Variants in ZNF521 observed in about 807,000 individuals in gnomAD.
ZNF521 encodes the protein LYST-interacting protein 3.
ZNF521 carries 14 observed loss-of-function variants against 105.5 expected under a neutral mutation model. The observed-to-expected ratio is 0.13, with a 90% CI of 0.09 to 0.21. The LOEUF (loss-of-function observed/expected upper bound fraction) is 0.21. ZNF521 is among the 10% of genes least tolerant of loss of function. ZNF521 has a pLI of 1.00. For missense variants in ZNF521, 1,233 were observed against 1,629.7 expected (o/e 0.76, Z 4.19); for synonymous variants, 635 against 606.0 (o/e 1.05, Z -0.70).
chr18:25,105,287 G>A (rs1308637361), intron 5 of ZNF521, among the ~76,000 whole-genome samples: 1 of 152,042 alleles, frequency 6.6e-6, no homozygotes, highest in East Asian at 1.9e-4. Flanking sequence ...ATAACAGCAG[G>A]GAAATTCCAA....
intron 3 of ZNF521, among the ~76,000 whole-genome samples, chr18:25,234,866 T>C (rs1392574049): frequency 6.6e-6 from 1 of 152,076 alleles, no homozygotes; most frequent in African/African-American, 2.4e-5. Flanking sequence ...AAAGAACTAC[T>C]ATTTAACAAT....
At chr18:25,172,897 T>C (rs2035472635) in intron 5 of ZNF521, among the ~76,000 whole-genome samples, 1 of 152,216 alleles carries the variant, frequency 6.6e-6, no homozygotes, top group African/African-American at 2.4e-5. Flanking sequence ...TATCCACCTG[T>C]ACATATAAAA....
At chr18:25,300,924 T>C (rs1486311030) in intron 3 of ZNF521, among the ~76,000 whole-genome samples, 4 of 152,206 alleles carry the variant, frequency 2.6e-5, no homozygotes, top group African/African-American at 7.2e-5. Flanking sequence ...CTCCCGAGCA[T>C]TGCAAGTACA....
intron 3 of ZNF521, among the ~76,000 whole-genome samples, chr18:25,263,362 T>A (rs1382338820): frequency 6.6e-6 from 1 of 152,034 alleles, no homozygotes; most frequent in African/African-American, 2.4e-5. Context: ...CTTGCTTTTT[T>A]TTTTGTTTTT....
At chr18:25,249,240 C>T (rs1297161897) in intron 3 of ZNF521, among the ~76,000 whole-genome samples, 3 of 151,690 alleles carry the variant, frequency 2.0e-5, no homozygotes, top group Non-Finnish European at 4.4e-5. Context: ...ACTGCAAGCT[C>T]CGCCTCCTGG....
chr18:25,349,916 C>T (rs1267290155), intron 2 of ZNF521, among the ~76,000 whole-genome samples: 2 of 151,506 alleles, frequency 1.3e-5, no homozygotes, highest in African/African-American at 4.8e-5. Context: ...CTCCTCCGGC[C>T]CTCGCGCTCC....
intron 5 of ZNF521, among the ~76,000 whole-genome samples, chr18:25,157,096 G>A (rs1009684009): frequency 3.3e-5 from 5 of 152,102 alleles, no homozygotes; most frequent in African/African-American, 9.7e-5. Flanking sequence ...CTACCCGGGG[G>A]CTGAGGTGGG....
At position 25,322,240 on chromosome 18, in the gene ZNF521, GTAACATT is replaced by G. The variant is rs774788167; in HGVS notation, c.41-60_41-54del. 3.8e-6 allele frequency: 6 copies of G among 1,562,084 alleles called. No homozygotes were observed. The African/African-American group carries it at 8.1e-5, about 21-fold the overall frequency. On this transcript the variant is annotated intron_variant, in intron 2 of 7. Coordinates refer to ENST00000361524, the MANE Select transcript of ZNF521 (RefSeq NM_015461.3). ...GGGTTTAAAGACAGGTTCTTTTAAA[GTAACATT>G]TAATCTTCTTGCTACCAAAAACAGA...
chr18:25,113,761 G>GACACGCAC (rs2034245351), intron 5 of ZNF521, among the ~76,000 whole-genome samples: 1 of 101,690 alleles, frequency 9.8e-6, no homozygotes, highest in Non-Finnish European at 2.0e-5. Flanking sequence ...AGGACGGACG[G>GACACGCAC]ACACACACAC....
At chr18:25,349,421 G>C (rs886622489) in intron 2 of ZNF521, among the ~76,000 whole-genome samples, 1 of 152,242 alleles carries the variant, frequency 6.6e-6, no homozygotes, top group East Asian at 1.9e-4. Flanking sequence ...ACTGTGTGGA[G>C]ACACATGCCA....
intron 3 of ZNF521, among the ~76,000 whole-genome samples, chr18:25,313,655 A>G (rs921221960): frequency 1.3e-5 from 2 of 152,264 alleles, no homozygotes; most frequent in Non-Finnish European, 2.9e-5. Context: ...AAAATGAATT[A>G]CCAAAATAAC....
At chr18:25,195,102 G>A (rs2035880816) in intron 5 of ZNF521, 58 bp downstream of exon 5, 1 of 1,233,234 alleles carries the variant, frequency 8.1e-7, no homozygotes, top group South Asian at 1.3e-5. Flanking sequence ...CTGTTTAATG[G>A]TGATATACAC....
At chr18:25,133,709 A>T (rs2034681227) in intron 5 of ZNF521, among the ~76,000 whole-genome samples, 1 of 152,154 alleles carries the variant, frequency 6.6e-6, no homozygotes, top group South Asian at 2.1e-4. Flanking sequence ...TCATCAATTT[A>T]TTTTAATCTA....
chr18:25,159,113 A>G (rs1291840074), intron 5 of ZNF521, among the ~76,000 whole-genome samples: 1 of 152,184 alleles, frequency 6.6e-6, no homozygotes, highest in Non-Finnish European at 1.5e-5. Flanking sequence ...GGTTGCCCCC[A>G]TTCAGAGCCT....
chr18:25,297,984 C>G (rs1404917937), intron 3 of ZNF521, among the ~76,000 whole-genome samples: 1 of 152,126 alleles, frequency 6.6e-6, no homozygotes, highest in Non-Finnish European at 1.5e-5. Context: ...CAAACATTTA[C>G]TGGGGACTCT....
At chr18:25,271,957 A>AT (rs767734199) in intron 3 of ZNF521, among the ~76,000 whole-genome samples, 5 of 152,238 alleles carry the variant, frequency 3.3e-5, no homozygotes, top group Non-Finnish European at 7.3e-5. Flanking sequence ...AATAGAAACT[A>AT]TCATCAGAGT....
At chr18:25,341,787 A>G (rs1276626074) in intron 2 of ZNF521, among the ~76,000 whole-genome samples, 1 of 152,222 alleles carries the variant, frequency 6.6e-6, no homozygotes, top group East Asian at 1.9e-4. Context: ...GCTTTCTTCC[A>G]AAAACTAAAA....
At chr18:25,233,002 TG>T (rs1906636693) in intron 3 of ZNF521, among the ~76,000 whole-genome samples, 1 of 152,134 alleles carries the variant, frequency 6.6e-6, no homozygotes. Context: ...CTGAAACTCC[TG>T]GGGGAGATAC....
In ZNF521 at chr18:25,174,029, T is replaced by C. The variant is rs145449850; in HGVS notation, c.3658+21131A>G. Reference sequence around the variant, plus strand: ...TTAACTCAAGAGTTAACATATTTTTTAAAAAATTCATTTTTATGTTTTGGA... The same window carrying C: ...TTAACTCAAGAGTTAACATATTTTTCAAAAAATTCATTTTTATGTTTTGGA... On this transcript the variant is annotated intron_variant, in intron 5 of 7. Transcript: ENST00000361524. 3.6e-3 allele frequency among the ~76,000 whole-genome samples: 544 copies of C among 152,324 alleles called. 5 individuals are homozygous for C. The highest frequency in any genetic ancestry group is 0.013 in the African/African-American group (532 of 41,574).
Sources: gnomAD v4.1 joint callset for allele counts (sites outside exome capture counted in the v4.1 genomes callset) on GRCh38, gnomAD v4.1.1 for gene constraint, MANE v1.5 for transcripts, NCBI Gene and HGNC (gene_info 2026-07-23, HGNC 2026-07-21) for gene names.